The following RNF20 variants were observed in gnomAD, a reference collection of about 807,000 sequenced individuals.
RNF20 encodes E3 ubiquitin-protein ligase BRE1A.
Under a neutral mutation model 126.2 loss-of-function variants are expected in RNF20, and 84 were observed. That is an observed-to-expected ratio of 0.67 (90% CI 0.56 to 0.80). The LOEUF (loss-of-function observed/expected upper bound fraction) is 0.80. Ranked by LOEUF, RNF20 falls within the 30% of genes least tolerant of loss-of-function variation. The pLI, the probability that RNF20 is intolerant of heterozygous loss-of-function variation, is 0.00. For missense variants in RNF20, 869 were observed against 1,188.2 expected, an observed-to-expected ratio of 0.73 and a Z score of 3.95; for synonymous variants, 400 against 414.3, an observed-to-expected ratio of 0.97 and a Z score of 0.42.
chr9:101,547,204 A>G lies in RNF20; in HGVS notation c.962A>G (p.Asn321Ser). ...CTGTATGGCGGCACAATCACTATCA[A>G]TGCTCGGAAGGTAAAATCAGTGACT... ...SSLYGGTITI[N>S]ARKFEEMNAE... The change falls in exon 8 of 20, where the codon AAT becomes AGT. Residue 321 changes from asparagine (N) to serine (S), a missense_variant. By Grantham distance (46) the Asn-to-Ser change is conservative. Around this residue, in one of 8 missense-constraint regions of RNF20, gnomAD observed 153 missense variants for 226.4 expected, o/e 0.68. Coordinates refer to ENST00000389120, the MANE Select transcript of RNF20 (RefSeq NM_019592.7). The G allele has an allele frequency of 6.2e-7, 1 of 1,614,100 alleles. No individual in the cohort carries two copies. Among genetic ancestry groups the G allele is most frequent in the Non-Finnish European group, 8.5e-7 (1 of 1,179,974 alleles).
In RNF20 at chr9:101,552,691, C is replaced by T. The variant is rs1457378091; in HGVS notation, c.1839C>T (p.Gly613=). Residue 613 remains glycine (G), a synonymous_variant, in exon 13 of 20, where the codon GGC becomes GGT. Transcript: ENST00000389120. ...ATTCTGCTAAGGATAAAGAGAAAGG[C>T]AAACATGATGATGGACGGAAAAAGG... ...ERDSAKDKEK[G]KHDDGRKKEA... 6.4e-7 allele frequency: 1 copy of T among 1,567,796 alleles called. No individual in the cohort carries two copies. Among genetic ancestry groups the T allele is most frequent in the Non-Finnish European group, 8.8e-7 (1 of 1,138,398 alleles).
chr9:101,546,705 G>A (rs1196010831), intron 6 of RNF20, 115 bp from the exon 7 acceptor site: 1 of 986,170 alleles, frequency 1.0e-6, no homozygotes, highest in African/African-American at 1.6e-5. Flanking sequence ...TTGGGAAGAG[G>A]GTGAAGCATC....
chr9:101,549,778 GTCCCC>G (rs1827412831), intron 9 of RNF20, among the ~76,000 whole-genome samples: 1 of 152,158 alleles, frequency 6.6e-6, no homozygotes, highest in Non-Finnish European at 1.5e-5. Context: ...TTCTCACTGT[GTCCCC>G]TCAGCTCCTA....
rs1827449107 is a variant in RNF20, at chr9:101,551,694, T to A, written c.1283T>A (p.Val428Asp). ...HQVELIERDE[V>D]SLHKKLRTEV... is the part of the protein sequence containing the mutation. The stretch of plus-strand genomic sequence containing the variant: ...TTTATCTGTGTGTAGCGAGATGAGG[T>A]TAGTCTTCATAAGAAGCTGAGGACT... The change falls in exon 11 of 20, where the codon GTT becomes GAT. Residue 428 changes from valine (V) to aspartate (D), a missense_variant. This residue lies in a region of RNF20 where 153 missense variants were observed against 226.4 expected (regional missense o/e 0.68). Coordinates refer to ENST00000389120, the MANE Select transcript of RNF20 (RefSeq NM_019592.7). The A allele has an allele frequency of 6.2e-7, 1 of 1,606,914 alleles. No homozygotes were observed. The highest frequency in any genetic ancestry group is 8.5e-7 in the Non-Finnish European group (1 of 1,178,022).
intron 5 of RNF20, 61 bp from the exon 6 acceptor site, chr9:101,544,706 T>TAA (rs145182555): frequency 5.2e-3 from 5,166 of 1,001,080 alleles, no homozygotes; most frequent in Middle Eastern, 8.2e-3. Context: ...GACTCCGTCT[T>TAA]AAAAAAAAAA....
At position 101,546,905 on chromosome 9, in the gene RNF20, T is replaced by C; in HGVS notation, c.833T>C (p.Ile278Thr). 6.2e-7 allele frequency: 1 copy of C among 1,614,144 alleles called. No individual in the cohort carries two copies. Among genetic ancestry groups the C allele is most frequent in the Admixed American group, 1.7e-5 (1 of 60,014 alleles). ...ATGATTGATGACCTGCAGTGGGATA[T>C]TGACAAAATTCGAAAGAGGGAACAG... ...ESMIDDLQWD[I>T]DKIRKREQRL... The change falls in exon 7 of 20, where the codon ATT becomes ACT. Residue 278 changes from isoleucine (I) to threonine (T), a missense_variant. This residue lies in a region of RNF20 where 153 missense variants were observed against 226.4 expected (regional missense o/e 0.68). Transcript: ENST00000389120.
Position 101,562,958 on chromosome 9 carries a change from A to T in RNF20, c.*536A>T, listed in dbSNP as rs1827650101. 1 of 152,340 alleles carries T rather than the reference A, an allele frequency of 6.6e-6. No individual in the cohort carries two copies. Among genetic ancestry groups the T allele is most frequent in the African/African-American group, 2.4e-5 (1 of 41,454 alleles). The allele number at this position is 152,340 out of a possible 1,614,324, so 9.4% of individuals were successfully genotyped here. The stretch of plus-strand genomic sequence containing the variant: ...GGTGGTTTGCAGCCCTAATGAAATT[A>T]TGTCTAGGATGATTCAGTCTATTTC... On this transcript the variant is annotated 3_prime_UTR_variant, in exon 20 of 20. Transcript: ENST00000389120.
chr9:101,561,600 C>T (rs958641440), intron 18 of RNF20: 6 of 410,164 alleles, frequency 1.5e-5, no homozygotes, highest in East Asian at 1.0e-4. Context: ...TATTTTAAAC[C>T]GTTCTACCTT....
intron 9 of RNF20, 58 bp downstream of exon 9, chr9:101,547,576 A>G (rs1827373116): frequency 3.8e-6 from 6 of 1,594,478 alleles, no homozygotes; most frequent in African/African-American, 1.3e-5. Flanking sequence ...CAACTCACGT[A>G]TATACATAGT....
chr9:101,543,357 G>A (rs1392066889), intron 5 of RNF20, among the ~76,000 whole-genome samples: 1 of 147,478 alleles, frequency 6.8e-6, no homozygotes, highest in African/African-American at 2.5e-5. Context: ...GGGCGGCACT[G>A]TCTAACCCTG....
At chr9:101,544,518 C>T (rs190765504) in intron 5 of RNF20, among the ~76,000 whole-genome samples, 3 of 152,100 alleles carry the variant, frequency 2.0e-5, no homozygotes, top group Non-Finnish European at 4.4e-5. Flanking sequence ...CCAGCCTGTC[C>T]GACATGGTGA....
intron 16 of RNF20, 163 bp from the exon 17 acceptor site, chr9:101,560,638 A>G (rs754895746): frequency 3.2e-4 from 161 of 497,490 alleles, no homozygotes; most frequent in Non-Finnish European, 4.3e-4. Flanking sequence ...TAAAGCTTTC[A>G]GTTATCATAG....
intron 6 of RNF20, among the ~76,000 whole-genome samples, chr9:101,545,646 T>TG (rs1827335156): frequency 6.6e-6 from 1 of 152,242 alleles, no homozygotes; most frequent in Non-Finnish European, 1.5e-5. Flanking sequence ...GAATATCATC[T>TG]GGGGAATTTA....
At chr9:101,538,661 G>A (rs1827219499) in intron 2 of RNF20, among the ~76,000 whole-genome samples, 1 of 152,166 alleles carries the variant, frequency 6.6e-6, no homozygotes, top group Non-Finnish European at 1.5e-5. Flanking sequence ...AGAGTTTGAG[G>A]ATATAGTTTA....
At chr9:101,547,594 CT>C in intron 9 of RNF20, 76 bp downstream of exon 9, 1 of 1,529,574 alleles carries the variant, frequency 6.5e-7, no homozygotes, top group Admixed American at 1.9e-5. Flanking sequence ...AGTTGTGAAT[CT>C]GCGTATTCAT....
intron 15 of RNF20, among the ~76,000 whole-genome samples, chr9:101,556,116 A>G (rs890447665): frequency 6.6e-6 from 1 of 152,170 alleles, no homozygotes; most frequent in African/African-American, 2.4e-5. Context: ...TACGATGACT[A>G]TCTTAAAAAT....
chr9:101,554,076 A>G lies in RNF20; in HGVS notation c.1990A>G (p.Met664Val). ...PKEQRDKVQL[M>V]AAEKKSKAEL... ...GGAACAGAGAGACAAAGTTCAGCTGATGGCAGCTGAGAAGAAGTCTAAGGC... is the reference window on the plus strand; with the variant it reads ...GGAACAGAGAGACAAAGTTCAGCTGGTGGCAGCTGAGAAGAAGTCTAAGGC... The change falls in exon 14 of 20, where the codon ATG (methionine) becomes GTG (valine). Residue 664 changes from methionine (M) to valine (V), a missense_variant. Coordinates refer to ENST00000389120, the MANE Select transcript of RNF20 (RefSeq NM_019592.7). 2 of 1,608,784 alleles carry G rather than the reference A, an allele frequency of 1.2e-6. No individual in the cohort carries two copies. The highest frequency in any genetic ancestry group is 4.5e-5 in the East Asian group (2 of 44,826).
chr9:101,554,130 C>T (rs1827491614), intron 14 of RNF20, 25 bp downstream of exon 14: 1 of 1,271,996 alleles, frequency 7.9e-7, no homozygotes, highest in Non-Finnish European at 1.1e-6. Flanking sequence ...TATTACCTGT[C>T]CTTCTGGTTA....
chr9:101,562,091 T>C lies in RNF20; in HGVS notation c.2751+80T>C, dbSNP rs893828193. The C allele has an allele frequency of 3.2e-5, 42 of 1,307,030 alleles. No individual in the cohort carries two copies. The African/African-American group carries it at 5.6e-4, about 17-fold the overall frequency. The allele number at this position is 1,307,030 out of a possible 1,614,324, so 81.0% of individuals were successfully genotyped here. ...TAGACTGGGAGAATAATTTGCATGATAGTAACCAGAGAATGGTTTATTTTG... is the reference window on the plus strand; with the variant it reads ...TAGACTGGGAGAATAATTTGCATGACAGTAACCAGAGAATGGTTTATTTTG... On this transcript the variant is annotated intron_variant, in intron 19 of 19. Transcript: ENST00000389120.
Sources: gnomAD v4.1 joint callset for allele counts (sites outside exome capture counted in the v4.1 genomes callset) on GRCh38, gnomAD v4.1.1 for gene constraint, gnomAD v4.1.1 regional missense constraint, MANE v1.5 for transcripts, NCBI Gene and HGNC (gene_info 2026-07-23, HGNC 2026-07-21) for gene names.